Variants in RAB21 observed in about 807,000 individuals in gnomAD.
The protein encoded by RAB21 is RAB21, member RAS oncogene family.
In RAB21, 13 loss-of-function variants were observed where a neutral mutation model predicts 33.1. That is an observed-to-expected ratio of 0.39 (90% CI 0.26 to 0.62). The LOEUF is 0.62. Ranked by LOEUF, RAB21 falls within the 20% of genes least tolerant of loss-of-function variation. The pLI is 0.48. For synonymous variants in RAB21, 91 were observed against 103.7 expected, an observed-to-expected ratio of 0.88 and a Z score of 0.74; for missense variants, 234 against 279.1, an observed-to-expected ratio of 0.84 and a Z score of 1.15.
chr12:71,781,361 C>G (rs1048125824), intron 4 of RAB21, among the ~76,000 whole-genome samples: 2 of 151,426 alleles, frequency 1.3e-5, no homozygotes, highest in Non-Finnish European at 2.9e-5. Context: ...CCCAGCTACT[C>G]AGGAGGCTGA....
chr12:71,773,007 T>C (rs1200367510), intron 3 of RAB21, among the ~76,000 whole-genome samples: 1 of 152,388 alleles, frequency 6.6e-6, no homozygotes, highest in East Asian at 1.9e-4. Flanking sequence ...ATGTAATTTT[T>C]GGAATTTACA....
chr12:71,780,178 A>G (rs1883176912), intron 4 of RAB21, among the ~76,000 whole-genome samples: 1 of 152,162 alleles, frequency 6.6e-6, no homozygotes, highest in Admixed American at 6.5e-5. Flanking sequence ...CTAAATGTTC[A>G]TTTGAGGCAG....
chr12:71,782,277 G>A, intron 5 of RAB21, 192 bp downstream of exon 5: 1 of 574,366 alleles, frequency 1.7e-6, no homozygotes, highest in Non-Finnish European at 3.0e-6. Context: ...TTTGACTTCA[G>A]TGAAAAATAC....
chr12:71,770,730 G>T, intron 3 of RAB21, 31 bp downstream of exon 3: 2 of 1,384,840 alleles, frequency 1.4e-6, no homozygotes, highest in Non-Finnish European at 2.0e-6. Flanking sequence ...TGTCTTAGAA[G>T]AACAATAGTA....
At chr12:71,777,365 A>G (rs1429810717) in intron 4 of RAB21, among the ~76,000 whole-genome samples, 1 of 152,076 alleles carries the variant, frequency 6.6e-6, no homozygotes, top group African/African-American at 2.4e-5. Flanking sequence ...TTTATGTTGT[A>G]TATAGTTGTT....
chr12:71,779,911 A>T (rs1251642183), intron 4 of RAB21, among the ~76,000 whole-genome samples: 3 of 152,188 alleles, frequency 2.0e-5, no homozygotes, highest in Non-Finnish European at 2.9e-5. Flanking sequence ...TGCTTTTGAA[A>T]AAATATAGAA....
chr12:71,757,035 T>C (rs1882795039), intron 1 of RAB21, among the ~76,000 whole-genome samples: 1 of 152,242 alleles, frequency 6.6e-6, no homozygotes, highest in Admixed American at 6.5e-5. Flanking sequence ...TACCTCGGTA[T>C]ATTGATAAAT....
In RAB21 at chr12:71,794,236, GA is replaced by G. The variant is rs112789402; in HGVS notation, c.*8573del. On this transcript the variant is annotated 3_prime_UTR_variant, in exon 7 of 7. Coordinates refer to ENST00000261263, the MANE Select transcript of RAB21 (RefSeq NM_014999.4). ...GGCCCTGTCTCAAAAAAAGAAAAAA[GA>G]AAAAAAAAAGTTAAAAGTTGTGGCA... is the stretch of plus-strand genomic sequence containing the variant. 2.8e-5 allele frequency: 4 copies of G among 144,228 alleles called. No individual in the cohort carries two copies. The highest frequency in any genetic ancestry group is 2.2e-4 in the South Asian group (1 of 4,558). The allele number at this position is 144,228 out of a possible 1,614,324, so 8.9% of individuals were successfully genotyped here.
chr12:71,797,600 C>T lies in RAB21; in HGVS notation c.*11927C>T, dbSNP rs1222901192. 7.2e-6 allele frequency: 1 copy of T among 138,496 alleles called. No homozygotes were observed. The highest frequency in any genetic ancestry group is 2.7e-5 in the African/African-American group (1 of 36,504). 8.6% of individuals were successfully genotyped at this position (138,496 alleles called of 1,614,324 possible). A position where few individuals can be genotyped will look rare whatever the true frequency, so the allele number is the denominator to read the frequency against. On this transcript the variant is annotated 3_prime_UTR_variant, in exon 7 of 7. Transcript: ENST00000261263. ...GGATTAAAAAAAAAAAAAACTAGAT[C>T]GCTGATTCCAAAGTTTCTTTGAGGA...
chr12:71,766,940 C>T (rs1207408137), intron 1 of RAB21, among the ~76,000 whole-genome samples: 7 of 152,146 alleles, frequency 4.6e-5, no homozygotes, highest in African/African-American at 1.7e-4. Flanking sequence ...GGCTTTGAGA[C>T]TTTTAATTGT....
chr12:71,779,473 A>C (rs958196486), intron 4 of RAB21, among the ~76,000 whole-genome samples: 3 of 152,152 alleles, frequency 2.0e-5, no homozygotes, highest in African/African-American at 7.2e-5. Context: ...TAAAACAAAA[A>C]AAAAATTACA....
At chr12:71,762,665 C>G (rs1882893327) in intron 1 of RAB21, among the ~76,000 whole-genome samples, 1 of 151,902 alleles carries the variant, frequency 6.6e-6, no homozygotes, top group Non-Finnish European at 1.5e-5. Context: ...TCACTGCAAC[C>G]TCTGCCCCGT....
rs375762390 is a variant in RAB21 at position 71,786,017 on chromosome 12, T to A, written c.*344T>A. 1,170 of 168,852 alleles carry A rather than the reference T, an allele frequency of 6.9e-3. 9 individuals carry two copies. The highest frequency in any genetic ancestry group is 0.011 in the Non-Finnish European group (866 of 78,438). 10.5% of individuals were successfully genotyped at this position (168,852 alleles called of 1,614,324 possible). A position where few individuals can be genotyped will look rare whatever the true frequency, so the allele number is the denominator to read the frequency against. On this transcript the variant is annotated 3_prime_UTR_variant, in exon 7 of 7. Transcript: ENST00000261263. ...CCCAGGTTCACGCCATTCTCCTGCC[T>A]CAGCCTCCCGAGTAGCTGGGACTAT...
At chr12:71,772,617 TGCA>T (rs1883060434) in intron 3 of RAB21, among the ~76,000 whole-genome samples, 1 of 152,216 alleles carries the variant, frequency 6.6e-6, no homozygotes. Context: ...TGATACTATA[TGCA>T]CATGGAAGAG....
In RAB21 at chr12:71,793,395, T is replaced by G. The variant is rs1883415166; in HGVS notation, c.*7722T>G. The G allele has an allele frequency of 1.3e-5, 2 of 152,178 alleles. No homozygotes were observed. The highest frequency in any genetic ancestry group is 4.8e-5 in the African/African-American group (2 of 41,440). The allele number at this position is 152,178 out of a possible 1,614,324, so 9.4% of individuals were successfully genotyped here. ...GATACAGGTCAGAAAGATGGTTTAA[T>G]GAATATGAATTTTCTAAACATCTTT... On this transcript the variant is annotated 3_prime_UTR_variant, in exon 7 of 7. Coordinates refer to ENST00000261263, the MANE Select transcript of RAB21 (RefSeq NM_014999.4).
intron 4 of RAB21, among the ~76,000 whole-genome samples, chr12:71,778,338 C>T (rs1883150557): frequency 1.3e-5 from 2 of 152,122 alleles, no homozygotes; most frequent in African/African-American, 2.4e-5. Flanking sequence ...TATTATTAAT[C>T]GTAGTCACCA....
chr12:71,780,161 A>G (rs1592649302), intron 4 of RAB21, among the ~76,000 whole-genome samples: 2 of 152,266 alleles, frequency 1.3e-5, no homozygotes, highest in Admixed American at 1.3e-4. Context: ...TGTCTGAATT[A>G]TTTCTCCTAA....
rs983674072 is a variant in RAB21 at position 71,788,476 on chromosome 12, G to A, written c.*2803G>A. On this transcript the variant is annotated 3_prime_UTR_variant, in exon 7 of 7. Coordinates refer to ENST00000261263, the MANE Select transcript of RAB21 (RefSeq NM_014999.4). ...GGTCTTTGGGTAGGAATAGAGTAAT[G>A]AAAGAGGACCAGTCAACTTCAGTAT... 2 of 152,142 alleles carry A rather than the reference G, an allele frequency of 1.3e-5. No homozygotes were observed. Among genetic ancestry groups the A allele is most frequent in the Non-Finnish European group, 2.9e-5 (2 of 68,012 alleles). 9.4% of individuals were successfully genotyped at this position (152,142 alleles called of 1,614,324 possible). A position where few individuals can be genotyped will look rare whatever the true frequency, so the allele number is the denominator to read the frequency against.
chr12:71,760,713 A>AC (rs1164651616), intron 1 of RAB21, among the ~76,000 whole-genome samples: 5 of 151,740 alleles, frequency 3.3e-5, no homozygotes, highest in African/African-American at 1.2e-4. Context: ...TGGGTTATGT[A>AC]CCCCTTTTTT....
Sources: gnomAD v4.1 joint callset for allele counts (sites outside exome capture counted in the v4.1 genomes callset) on GRCh38, gnomAD v4.1.1 for gene constraint, MANE v1.5 for transcripts, NCBI Gene and HGNC (gene_info 2026-07-23, HGNC 2026-07-21) for gene names.